FAM78B: variants seen among roughly 807,000 people sequenced by gnomAD.
FAM78B encodes protein FAM78B.
A neutral mutation model predicts 20.0 loss-of-function variants in FAM78B; 10 were observed. That is an observed-to-expected ratio of 0.50 (90% CI 0.31 to 0.85). The LOEUF (loss-of-function observed/expected upper bound fraction) is 0.85. Among genes scored for constraint, FAM78B ranks in the 40% least tolerant of loss-of-function variants. The pLI, the probability that FAM78B is intolerant of heterozygous loss-of-function variation, is 0.05. For synonymous variants in FAM78B, 135 were observed against 132.8 expected (o/e 1.02, Z -0.12); for missense variants, 283 against 345.0 (o/e 0.82, Z 1.42).
intron 1 of FAM78B, among the ~76,000 whole-genome samples, chr1:166,073,539 T>TTC (rs1362648577): frequency 7.6e-6 from 1 of 130,838 alleles, no homozygotes; most frequent in Non-Finnish European, 1.5e-5. Context: ...TTTCTCTCTT[T>TTC]TTTTTTTTTT....
At chr1:166,066,409 T>C (rs985005348), downstream of FAM78B, among the ~76,000 whole-genome samples, 30 of 152,340 alleles carry the variant, frequency 2.0e-4, no homozygotes, top group African/African-American at 6.7e-4. Flanking sequence ...ACAGTGTAGA[T>C]GAAAGGGACT....
intron 2 of FAM78B, among the ~76,000 whole-genome samples, chr1:166,062,537 A>G (rs773514529): frequency 2.6e-5 from 4 of 152,200 alleles, no homozygotes; most frequent in African/African-American, 4.8e-5. Flanking sequence ...CTATTTCAGA[A>G]GACTTAGGAA....
intron 2 of FAM78B, among the ~76,000 whole-genome samples, chr1:166,064,057 G>C (rs754454100): frequency 4.6e-5 from 7 of 152,144 alleles, no homozygotes; most frequent in Non-Finnish European, 7.4e-5. Flanking sequence ...TGGGGTATGG[G>C]GACAGGGAGC....
intron 1 of FAM78B, among the ~76,000 whole-genome samples, chr1:166,148,662 T>C (rs1655563880): frequency 6.6e-6 from 1 of 152,230 alleles, no homozygotes; most frequent in Admixed American, 6.5e-5. Flanking sequence ...AGACTTCTAA[T>C]GGGAACTCAA....
At chr1:166,136,244 A>C (rs73041277) in intron 1 of FAM78B, among the ~76,000 whole-genome samples, 10,356 of 152,246 alleles carry the variant, frequency 0.068, 768 homozygotes, top group African/African-American at 0.15. Context: ...AGATTTAATA[A>C]GAGTTCAATC....
chr1:166,143,784 A>G (rs971099336), intron 1 of FAM78B, among the ~76,000 whole-genome samples: 1 of 152,162 alleles, frequency 6.6e-6, no homozygotes, highest in Non-Finnish European at 1.5e-5. Context: ...AGAACTGCAT[A>G]TACTAAAACA....
At chr1:166,139,423 T>C (rs1298729242) in intron 1 of FAM78B, among the ~76,000 whole-genome samples, 1 of 152,148 alleles carries the variant, frequency 6.6e-6, no homozygotes, top group African/African-American at 2.4e-5. Context: ...ATTTTGGGGA[T>C]ACAGAGTTGA....
chr1:166,085,620 A>G (rs1652798679), intron 1 of FAM78B, among the ~76,000 whole-genome samples: 1 of 152,202 alleles, frequency 6.6e-6, no homozygotes, highest in African/African-American at 2.4e-5. Flanking sequence ...ACAGCGTGTG[A>G]GCAGGAGTGC....
chr1:166,093,834 A>C (rs1247385669), intron 1 of FAM78B, among the ~76,000 whole-genome samples: 2 of 151,760 alleles, frequency 1.3e-5, no homozygotes, highest in African/African-American at 4.8e-5. Context: ...TTTTCTTAGG[A>C]AAGATTTGAA....
chr1:166,105,153 T>C (rs891476076), intron 1 of FAM78B, among the ~76,000 whole-genome samples: 12 of 152,196 alleles, frequency 7.9e-5, no homozygotes, highest in Non-Finnish European at 1.5e-4. Context: ...GCTAGCCATA[T>C]GTAGAAAGCT....
chr1:166,076,588 T>C (rs1477550336), intron 1 of FAM78B, among the ~76,000 whole-genome samples: 1 of 152,190 alleles, frequency 6.6e-6, no homozygotes, highest in African/African-American at 2.4e-5. Context: ...AACTTACTTA[T>C]TTTGCTAACG....
At chr1:166,103,924 C>T (rs1420080547) in intron 1 of FAM78B, among the ~76,000 whole-genome samples, 1 of 152,202 alleles carries the variant, frequency 6.6e-6, no homozygotes, top group Non-Finnish European at 1.5e-5. Context: ...AGACCAATAT[C>T]CCTGAGGAAC....
In FAM78B at chr1:166,166,112, G is replaced by A; in HGVS notation, c.137C>T (p.Thr46Ile). 1.9e-6 allele frequency: 3 copies of A among 1,612,488 alleles called. No homozygotes were observed. The highest frequency in any genetic ancestry group is 1.7e-5 in the Admixed American group (1 of 59,802). ...GCGGGCGGAGGCTTTGAAGTAGGGG[G>A]TCTTGTAGCGCAGGACGATGGGCGA... ...ETSPIVLRYK[T>I]PYFKASARVV... Residue 46 changes from threonine (T) to isoleucine (I), a missense_variant, in exon 1 of 2, where the codon ACC becomes ATC. Thr to Ile is a moderately conservative substitution (Grantham distance 89). Coordinates refer to ENST00000354422, the MANE Select transcript of FAM78B (RefSeq NM_001017961.5).
intron 1 of FAM78B, among the ~76,000 whole-genome samples, chr1:166,105,818 A>T (rs1385127250): frequency 4.0e-5 from 6 of 151,648 alleles, no homozygotes; most frequent in African/African-American, 1.5e-4. Context: ...GGGATCTAGA[A>T]CTAGAAATAC....
chr1:166,059,326 C>T (rs1027614146), exon 3 of FAM78B: 4 of 152,490 alleles, frequency 2.6e-5, no homozygotes, highest in Non-Finnish European at 5.9e-5. Context: ...GAAGAGGACT[C>T]CAGAGAAAGC....
At chr1:166,098,014 G>T (rs557322156) in intron 1 of FAM78B, among the ~76,000 whole-genome samples, 1 of 152,288 alleles carries the variant, frequency 6.6e-6, no homozygotes, top group Non-Finnish European at 1.5e-5. Context: ...AACAGGTACT[G>T]GTATCCATGG....
At chr1:166,165,324 T>C (rs1301109906) in intron 1 of FAM78B, among the ~76,000 whole-genome samples, 1 of 152,142 alleles carries the variant, frequency 6.6e-6, no homozygotes, top group Non-Finnish European at 1.5e-5. Flanking sequence ...CCGCCCTTCT[T>C]GGCCGGGACG....
chr1:166,119,913 C>A lies in FAM78B; in HGVS notation c.263+46073G>T, dbSNP rs541635160. Among the ~76,000 whole-genome samples, 14 of 152,302 alleles carry A rather than the reference C, an allele frequency of 9.2e-5. 1 individual carries two copies. In the South Asian group the frequency reaches 2.9e-3, roughly 32 times the overall value. ...ATTTCAAGGGTGACATTTCCAGCCA[C>A]AAGAGGGAAGCTAAGCATGAAAGAG... On this transcript the variant is annotated intron_variant, in intron 1 of 1. Coordinates refer to ENST00000354422, the MANE Select transcript of FAM78B (RefSeq NM_001017961.5).
intron 1 of FAM78B, among the ~76,000 whole-genome samples, chr1:166,106,172 C>T (rs756069370): frequency 5.4e-5 from 7 of 128,978 alleles, no homozygotes; most frequent in Non-Finnish European, 9.2e-5. Flanking sequence ...CACATGGACA[C>T]AGGAAGGGGA....
Sources: gnomAD v4.1 joint callset for allele counts (sites outside exome capture counted in the v4.1 genomes callset) on GRCh38, gnomAD v4.1.1 for gene constraint, MANE v1.5 for transcripts, NCBI Gene and HGNC (gene_info 2026-07-23, HGNC 2026-07-21) for gene names.